RTL5: variants seen among roughly 807,000 people sequenced by gnomAD.
RTL5 encodes the protein retrotransposon Gag like 5.
In RTL5, 8 loss-of-function variants were observed where a neutral mutation model predicts 7.7. The observed-to-expected ratio is 1.04, with a 90% CI of 0.61 to 1.88. The LOEUF (loss-of-function observed/expected upper bound fraction) is 1.88. Among genes scored for constraint, RTL5 ranks in the 40% most tolerant of loss-of-function variants. The pLI, the probability that RTL5 is intolerant of heterozygous loss-of-function variation, is 0.00. For synonymous variants in RTL5, 188 were observed against 191.8 expected (o/e 0.98, Z 0.16); for missense variants, 457 against 472.7 (o/e 0.97, Z 0.31).
exon 1 of RTL5, chrX:72,128,265 G>A (rs1035892991): frequency 1.8e-5 from 2 of 111,850 alleles, no homozygotes; most frequent in Non-Finnish European, 3.8e-5. Context: ...CCAGGCCCAA[G>A]ATCCTAAGGT....
chrX:72,130,055 C>A (rs759755785), exon 1 of RTL5: 2 of 1,211,129 alleles, frequency 1.7e-6, no homozygotes, highest in East Asian at 5.9e-5. Flanking sequence ...GGAGGTGATG[C>A]ACCCAGGAAG....
At chrX:72,130,894 T>A in exon 1 of RTL5, 1 of 1,211,489 alleles carries the variant, frequency 8.3e-7, no homozygotes. Context: ...GCGCGGGAAG[T>A]TGGCATGCAA....
chrX:72,128,734 A>C (rs1168561666), exon 1 of RTL5: 1 of 112,877 alleles, frequency 8.9e-6, no homozygotes, highest in Non-Finnish European at 1.9e-5. Flanking sequence ...AGCTCAGAGC[A>C]GGCCATGGGC....
chrX:72,131,434 A>G, exon 1 of RTL5: 1 of 1,210,751 alleles, frequency 8.3e-7, no homozygotes, highest in Non-Finnish European at 1.1e-6. Flanking sequence ...GGCTCTCCCG[A>G]GCTGGAGGCC....
At chrX:72,130,579 C>T in exon 1 of RTL5, 1 of 1,211,586 alleles carries the variant, frequency 8.3e-7, no homozygotes, top group Non-Finnish European at 1.1e-6. Flanking sequence ...ATTTCGAACT[C>T]CAGGGAGCGG....
exon 1 of RTL5, chrX:72,131,148 C>G (rs748579856): frequency 1.7e-6 from 2 of 1,185,487 alleles, no homozygotes; most frequent in Non-Finnish European, 2.3e-6. Flanking sequence ...CGGGCGGAGG[C>G]AGCGCCGGCG....
At chrX:72,131,236 T>C in exon 1 of RTL5, 1 of 1,200,840 alleles carries the variant, frequency 8.3e-7, no homozygotes, top group Non-Finnish European at 1.1e-6. Flanking sequence ...AATCAAAAGA[T>C]CATCCGAGAT....
At chrX:72,129,828 C>T in exon 1 of RTL5, 1 of 1,185,804 alleles carries the variant, frequency 8.4e-7, no homozygotes, top group East Asian at 3.0e-5. Flanking sequence ...CTGGCCCCAG[C>T]ACTCAAACTC....
exon 1 of RTL5, chrX:72,131,486 G>T (rs1189319953): frequency 8.3e-7 from 1 of 1,204,637 alleles, no homozygotes; most frequent in East Asian, 3.0e-5. Context: ...AATTCTTCGC[G>T]CAGGGCCACA....
Position 72,130,611 on chromosome X carries a change from TTTTC to T in RTL5, c.926_929del (p.Arg309LysfsTer57). 5.0e-6 allele frequency: 6 copies of T among 1,211,734 alleles called. No individual in the cohort carries two copies. The highest frequency in any genetic ancestry group is 6.7e-6 in the Non-Finnish European group (6 of 895,465). On this transcript the variant is annotated frameshift_variant, in exon 1 of 1. Transcript: ENST00000609883. LOFTEE classifies it low-confidence loss of function (END_TRUNC). ...GCGGGATAGGCTTGGGAACGCGCAC[TTTTC>T]TTTCTATCTCCACACATTCGAGAAT...
chrX:72,129,850 C>T lies in RTL5; in HGVS notation c.1691G>A (p.Arg564His), dbSNP rs185578797. ...CAGCACTCAAACTCGAATTCGGCCACGAGCAGCTCGGTGGCCCCCCTGTCT... is the reference window on the plus strand; with the variant it reads ...CAGCACTCAAACTCGAATTCGGCCATGAGCAGCTCGGTGGCCCCCCTGTCT... The change falls in exon 1 of 1, where the codon CGT becomes CAT. Residue 564 changes from arginine to histidine, a missense_variant. Arg to His is a conservative substitution (Grantham distance 29). Coordinates refer to ENST00000609883, the Ensembl canonical transcript of RTL5. 2.9e-4 allele frequency: 350 copies of T among 1,193,610 alleles called. No individual in the cohort carries two copies. In the African/African-American group the frequency reaches 4.9e-3, roughly 17 times the overall value.
At chrX:72,130,974 G>A (rs2042288153) in exon 1 of RTL5, 1 of 1,211,302 alleles carries the variant, frequency 8.3e-7, no homozygotes, top group Non-Finnish European at 1.1e-6. Context: ...AGATCAGAAA[G>A]GCCACCCGCT....
exon 1 of RTL5, chrX:72,130,840 G>C (rs781206301): frequency 1.1e-5 from 13 of 1,211,517 alleles, no homozygotes; most frequent in Non-Finnish European, 1.3e-5. Flanking sequence ...AGCCACACGT[G>C]GGGGGATGGG....
chrX:72,131,868 A>C, upstream of RTL5: 1 of 317,681 alleles, frequency 3.1e-6, no homozygotes, highest in Non-Finnish European at 5.3e-6. Flanking sequence ...GCGGGCGGGC[A>C]GGGGCGAGCG....
At chrX:72,131,817 G>C (rs1187753189) in exon 1 of RTL5, 4 of 235,243 alleles carry the variant, frequency 1.7e-5, no homozygotes, top group African/African-American at 1.2e-4. Flanking sequence ...GGCGGAGGAT[G>C]CGGGCGACAC....
At chrX:72,129,786 A>G (rs924757020) in exon 1 of RTL5, 4 of 1,121,021 alleles carry the variant, frequency 3.6e-6, no homozygotes, top group Non-Finnish European at 1.2e-6. Flanking sequence ...GGGGCGGGGG[A>G]TGCAAAAGAA....
At position 72,131,313 on chromosome X, in the gene RTL5, G is replaced by T. The variant is rs748910485; in HGVS notation, c.228C>A (p.Ile76=). 10 of 1,196,689 alleles carry T rather than the reference G, an allele frequency of 8.4e-6. No individual in the cohort carries two copies. The East Asian group carries it at 3.0e-4, about 36-fold the overall frequency. The change falls in exon 1 of 1, where the codon ATC becomes ATA. Residue 76 remains isoleucine, a synonymous_variant. Transcript: ENST00000609883. ...GCAGTTCTCCCCCGGGAATGACTTC[G>T]ATCTCACTGAGCGCGAACTCCAAGT... is the stretch of plus-strand genomic sequence containing the variant.
exon 1 of RTL5, chrX:72,130,443 C>T: frequency 8.3e-7 from 1 of 1,207,828 alleles, no homozygotes. Context: ...GAAAAGCCCT[C>T]ATGCGCTTCC....
At chrX:72,131,159 G>A (rs1192315321) in exon 1 of RTL5, 1 of 1,174,625 alleles carries the variant, frequency 8.5e-7, no homozygotes, top group African/African-American at 1.8e-5. Context: ...AGCGCCGGCG[G>A]GGGCGGGATG....
Sources: allele counts gnomAD v4.1 joint callset, GRCh38; gene constraint gnomAD v4.1.1; transcripts MANE v1.5; gene names NCBI Gene and HGNC (gene_info 2026-07-23, HGNC 2026-07-21).